The following CUL1 variants were observed in gnomAD, a reference collection of about 807,000 sequenced individuals.
CUL1 encodes the protein cullin-1.
CUL1 carries 24 observed loss-of-function variants against 118.0 expected under a neutral mutation model. The ratio of observed to expected loss-of-function variants is 0.20; its 90% confidence interval spans 0.15 to 0.29. The LOEUF is 0.29. Ranked by LOEUF, CUL1 falls within the 10% of genes least tolerant of loss-of-function variation. The pLI is 1.00. For missense variants in CUL1, 361 were observed against 933.8 expected (o/e 0.39, Z 7.99); for synonymous variants, 332 against 340.4 (o/e 0.98, Z 0.27).
At chr7:148,710,341 G>C (rs1031432439) in intron 1 of CUL1, among the ~76,000 whole-genome samples, 1 of 152,100 alleles carries the variant, frequency 6.6e-6, no homozygotes, top group Non-Finnish European at 1.5e-5. Flanking sequence ...AGGCCAAGGC[G>C]AGCGGATCAC....
chr7:148,789,970 G>A (rs1274360969), intron 15 of CUL1, 144 bp downstream of exon 15: 5 of 785,218 alleles, frequency 6.4e-6, no homozygotes, highest in Non-Finnish European at 1.1e-5. Context: ...AACACTCAGG[G>A]AAGAGCCCTG....
At chr7:148,724,875 T>G (rs1485003758) in intron 1 of CUL1, among the ~76,000 whole-genome samples, 1 of 152,216 alleles carries the variant, frequency 6.6e-6, no homozygotes, top group East Asian at 1.9e-4. Flanking sequence ...TTTTAATATC[T>G]TTAGGTTTGG....
At chr7:148,790,557 T>G in intron 16 of CUL1, 116 bp downstream of exon 16, 1 of 871,502 alleles carries the variant, frequency 1.1e-6, no homozygotes, top group Non-Finnish European at 1.8e-6. Flanking sequence ...TCTGGTGAAA[T>G]AGTGGCAGGT....
chr7:148,734,100 G>A (rs1798861300), intron 2 of CUL1, among the ~76,000 whole-genome samples: 1 of 151,888 alleles, frequency 6.6e-6, no homozygotes. Flanking sequence ...TAGTTAACTT[G>A]GTTTTCAGCC....
intron 1 of CUL1, among the ~76,000 whole-genome samples, chr7:148,707,101 G>A (rs1815721798): frequency 1.3e-5 from 2 of 152,094 alleles, no homozygotes; most frequent in African/African-American, 2.4e-5. Flanking sequence ...ACCTTTGAAG[G>A]AAGAAAACTC....
chr7:148,784,741 C>T (rs1486778182), intron 11 of CUL1, among the ~76,000 whole-genome samples: 1 of 152,050 alleles, frequency 6.6e-6, no homozygotes, highest in Non-Finnish European at 1.5e-5. Flanking sequence ...AATAGTTTTC[C>T]ACACGCCAAA....
chr7:148,706,408 G>A (rs1797884399), intron 1 of CUL1, among the ~76,000 whole-genome samples: 1 of 152,042 alleles, frequency 6.6e-6, no homozygotes, highest in Non-Finnish European at 1.5e-5. Flanking sequence ...GGTTGAGGAT[G>A]GACTTTGACA....
intron 7 of CUL1, among the ~76,000 whole-genome samples, chr7:148,763,928 A>AT (rs1799922059): frequency 6.6e-6 from 1 of 152,176 alleles, no homozygotes; most frequent in Non-Finnish European, 1.5e-5. Flanking sequence ...ACTTTTCTCT[A>AT]TTAGGAGTGT....
chr7:148,737,558 G>GTATA (rs34941241), intron 2 of CUL1, among the ~76,000 whole-genome samples: 1 of 128,074 alleles, frequency 7.8e-6, no homozygotes, highest in Non-Finnish European at 1.8e-5. Context: ...GTGTGTGTGT[G>GTATA]TATATATATA....
intron 1 of CUL1, among the ~76,000 whole-genome samples, chr7:148,712,824 C>T (rs781446291): frequency 3.9e-5 from 6 of 152,222 alleles, no homozygotes; most frequent in Non-Finnish European, 8.8e-5. Flanking sequence ...GTGAAGTTCA[C>T]AGACATCCCA....
intron 2 of CUL1, among the ~76,000 whole-genome samples, chr7:148,731,179 A>G (rs1331553704): frequency 6.6e-6 from 1 of 152,230 alleles, no homozygotes; most frequent in Non-Finnish European, 1.5e-5. Context: ...TTGGAGATGC[A>G]CCAGCTAATT....
At chr7:148,795,446 G>T (rs1403264468) in intron 17 of CUL1, among the ~76,000 whole-genome samples, 3 of 151,836 alleles carry the variant, frequency 2.0e-5, no homozygotes, top group Non-Finnish European at 4.4e-5. Context: ...TCCACTTTCT[G>T]ATTGCTCGTT....
At position 148,788,571 on chromosome 7, in the gene CUL1, C is replaced by T. The variant is rs560444294; in HGVS notation, c.1494C>T (p.Phe498=). 15 of 1,612,596 alleles carry T rather than the reference C, an allele frequency of 9.3e-6. No homozygotes were observed. The highest frequency in any genetic ancestry group is 2.7e-5 in the African/African-American group (2 of 74,858). The change falls in exon 14 of 22, where the codon TTC becomes TTT. Residue 498 remains phenylalanine (F), a synonymous_variant. Coordinates refer to ENST00000325222, the MANE Select transcript of CUL1 (RefSeq NM_003592.3). ...GTTCTTCTCAGCAAGCTTGCGGGTT[C>T]GAGTACACCTCTAAACTTCAGCGCA... The part of the protein sequence containing the change: ...MISKLKQACG[F]EYTSKLQRMF...
At chr7:148,714,513 T>A (rs1428009128) in intron 1 of CUL1, among the ~76,000 whole-genome samples, 1 of 152,214 alleles carries the variant, frequency 6.6e-6, no homozygotes, top group African/African-American at 2.4e-5. Flanking sequence ...CTTGATTTTT[T>A]AAGGAAAACT....
intron 1 of CUL1, among the ~76,000 whole-genome samples, chr7:148,707,994 T>C (rs1797940962): frequency 6.6e-6 from 1 of 152,226 alleles, no homozygotes; most frequent in South Asian, 2.1e-4. Context: ...CCCAGACTTG[T>C]GGACCAGGTT....
At position 148,800,729 on chromosome 7, in the gene CUL1, G is replaced by A. The variant is rs868450100; in HGVS notation, c.*147G>A. 4 of 628,598 alleles carry A rather than the reference G, an allele frequency of 6.4e-6. No homozygotes were observed. Among genetic ancestry groups the A allele is most frequent in the South Asian group, 1.9e-5 (1 of 51,968 alleles). The allele number at this position is 628,598 out of a possible 1,614,324, so 38.9% of individuals were successfully genotyped here. On this transcript the variant is annotated 3_prime_UTR_variant, in exon 22 of 22. Transcript: ENST00000325222. The surrounding 1 kb of genome is among the most constrained non-coding windows in gnomAD (Gnocchi z 4.6). ...ACCAAGACTCCCATCAGCTGGTCTC[G>A]GATTTACATCGGAACTGCTCAGGAT...
intron 1 of CUL1, among the ~76,000 whole-genome samples, chr7:148,706,280 C>CTTGG (rs937636917): frequency 6.6e-6 from 1 of 152,176 alleles, no homozygotes; most frequent in Admixed American, 6.5e-5. Context: ...GTGTTCAGTG[C>CTTGG]TTGGTATGAG....
rs528178770 is a variant in CUL1, at chr7:148,754,000, T to C, written c.165T>C (p.Ser55=). The change falls in exon 3 of 22, where the codon AGT becomes AGC. Residue 55 remains serine (S), a synonymous_variant. Transcript: ENST00000325222. ...GTCATGTTTATAACTACTGTACTAG[T>C]GTTCACCAGTCAAACCAAGCACGAG... ...LYTHVYNYCT[S]VHQSNQARGA... 1.9e-6 allele frequency: 3 copies of C among 1,612,090 alleles called. No homozygotes were observed. The highest frequency in any genetic ancestry group is 1.7e-4 in the Middle Eastern group (1 of 6,052).
chr7:148,735,716 A>T (rs1469928493), intron 2 of CUL1, among the ~76,000 whole-genome samples: 1 of 152,202 alleles, frequency 6.6e-6, no homozygotes, highest in Non-Finnish European at 1.5e-5. Context: ...GAACCTAAAC[A>T]TAGAAAGTTT....
Sources: allele counts gnomAD v4.1 joint callset (sites outside exome capture counted in the v4.1 genomes callset), GRCh38; gene constraint gnomAD v4.1.1; non-coding constraint Gnocchi (gnomAD v3.1); transcripts MANE v1.5; gene names NCBI Gene and HGNC (gene_info 2026-07-23, HGNC 2026-07-21).